Variants in TBC1D1 observed in about 807,000 individuals in gnomAD.
The protein encoded by TBC1D1 is TBC1 domain family member 1.
TBC1D1 carries 89 observed loss-of-function variants against 125.6 expected under a neutral mutation model. The observed-to-expected ratio is 0.71, with a 90% CI of 0.60 to 0.85. TBC1D1 has a LOEUF of 0.85. Ranked by LOEUF, TBC1D1 falls within the 40% of genes least tolerant of loss-of-function variation. The pLI is 0.00. For missense variants in TBC1D1, 1,377 were observed against 1,469.2 expected, an observed-to-expected ratio of 0.94 and a Z score of 1.03; for synonymous variants, 565 against 564.1, an observed-to-expected ratio of 1.00 and a Z score of -0.02.
At chr4:37,959,414 C>T (rs1729540970) in intron 2 of TBC1D1, among the ~76,000 whole-genome samples, 1 of 152,132 alleles carries the variant, frequency 6.6e-6, no homozygotes, top group African/African-American at 2.4e-5. Flanking sequence ...TCATACAGGT[C>T]TTCACCCTCA....
intron 13 of TBC1D1, among the ~76,000 whole-genome samples, chr4:38,095,527 G>A (rs1048429422): frequency 6.6e-6 from 1 of 152,204 alleles, no homozygotes; most frequent in Non-Finnish European, 1.5e-5. Context: ...GATCTTTGGA[G>A]TGCCTCTCCT....
chr4:38,011,203 A>G (rs975597447), intron 2 of TBC1D1, among the ~76,000 whole-genome samples: 1 of 151,960 alleles, frequency 6.6e-6, no homozygotes, highest in African/African-American at 2.4e-5. Context: ...AAAATACAAA[A>G]TTAGCCGGGT....
chr4:37,901,892 CTTA>C (rs1490974807), intron 1 of TBC1D1, 108 bp from the exon 2 acceptor site: 1 of 513,406 alleles, frequency 1.9e-6, no homozygotes, highest in Non-Finnish European at 3.4e-6. Context: ...ATTTGAACCT[CTTA>C]TTATATTTGG....
rs751920556 is a variant in TBC1D1, at chr4:38,021,565, ACTTCT to A, written c.1078-12_1078-8del. On this transcript the variant is annotated splice_polypyrimidine_tract_variant and intron_variant, in intron 5 of 19. Transcript: ENST00000261439. ...TCAAATTGACTTTTTGGTGACTACA[ACTTCT>A]CTTCTCTTTGATTAGGTTGATGAAA... 9.4e-6 allele frequency: 14 copies of A among 1,493,482 alleles called. No individual in the cohort carries two copies. The highest frequency in any genetic ancestry group is 4.3e-5 in the African/African-American group (3 of 69,680). 92.5% of individuals were successfully genotyped at this position (1,493,482 alleles called of 1,614,324 possible). A position where few individuals can be genotyped will look rare whatever the true frequency, so the allele number is the denominator to read the frequency against.
chr4:38,035,057 TAG>T (rs1220940564), intron 7 of TBC1D1, among the ~76,000 whole-genome samples: 5 of 152,146 alleles, frequency 3.3e-5, no homozygotes, highest in African/African-American at 1.2e-4. Context: ...TTAAAAGGCA[TAG>T]AGAGAATTTT....
intron 8 of TBC1D1, among the ~76,000 whole-genome samples, chr4:38,038,723 G>A (rs1366331235): frequency 2.0e-5 from 3 of 152,090 alleles, no homozygotes; most frequent in Admixed American, 6.6e-5. Context: ...TGAGGTGGGC[G>A]GATCATGAGG....
At chr4:37,952,232 G>A in intron 2 of TBC1D1, 1 of 596,700 alleles carries the variant, frequency 1.7e-6, no homozygotes. Context: ...TCTTCGCTGA[G>A]TCTGTGCGGA....
Position 38,014,770 on chromosome 4 carries a change from C to A in TBC1D1, c.679C>A (p.Pro227Thr). The A allele has an allele frequency of 6.2e-7, 1 of 1,608,472 alleles. No homozygotes were observed. ...TGCCGCGCCCACAGGGAGCCAGGAG[C>A]CTGTGCGCAGGCCCATGCGCAAGTC... Residue 227 changes from proline (P) to threonine (T), a missense_variant, in exon 3 of 20, where the codon CCT (proline) becomes ACT (threonine). Around this residue, in one of 3 missense-constraint regions of TBC1D1, gnomAD observed 822 missense variants for 824.6 expected, o/e 1.00. Coordinates refer to ENST00000261439, the MANE Select transcript of TBC1D1 (RefSeq NM_015173.4). This position sits in a 1 kb window ranked among gnomAD's most constrained non-coding sequence, Gnocchi z 5.1.
chr4:38,121,141 T>C (rs1763778839), intron 17 of TBC1D1, among the ~76,000 whole-genome samples: 1 of 152,354 alleles, frequency 6.6e-6, no homozygotes, highest in South Asian at 2.1e-4. Context: ...GCTGTTGTTC[T>C]GCACAGCACT....
At chr4:37,994,836 T>A (rs1414741791) in intron 2 of TBC1D1, among the ~76,000 whole-genome samples, 2 of 152,350 alleles carry the variant, frequency 1.3e-5, no homozygotes, top group East Asian at 3.9e-4. Context: ...CAGGCCATTC[T>A]GCTGGCTTAT....
chr4:38,080,852 C>T (rs918524808), intron 12 of TBC1D1, among the ~76,000 whole-genome samples: 3 of 151,946 alleles, frequency 2.0e-5, no homozygotes, highest in Non-Finnish European at 2.9e-5. Flanking sequence ...CACTGTTCTG[C>T]GATGAATTGA....
In TBC1D1 at chr4:38,023,995, T is replaced by G. The variant is rs76751026; in HGVS notation, c.1210+2277T>G. Among the ~76,000 whole-genome samples, 1,360 of 152,298 alleles carry G rather than the reference T, an allele frequency of 8.9e-3. 21 individuals are homozygous for G. Among genetic ancestry groups the G allele is most frequent in the African/African-American group, 0.031 (1,293 of 41,564 alleles). ...AAGATTTGCTACTTTCTGTTTTTGTTTTGTTTTGTTTTTGATGAAAGCCAT... is the reference window on the plus strand; with the variant it reads ...AAGATTTGCTACTTTCTGTTTTTGTGTTGTTTTGTTTTTGATGAAAGCCAT... On this transcript the variant is annotated intron_variant, in intron 6 of 19. Coordinates refer to ENST00000261439, the MANE Select transcript of TBC1D1 (RefSeq NM_015173.4).
At chr4:37,974,147 G>A (rs1299882250) in intron 2 of TBC1D1, among the ~76,000 whole-genome samples, 1 of 152,224 alleles carries the variant, frequency 6.6e-6, no homozygotes, top group Admixed American at 6.5e-5. Context: ...TCATTAAGCA[G>A]GGAATATCAC....
chr4:37,999,610 G>C (rs933556894), intron 2 of TBC1D1, among the ~76,000 whole-genome samples: 11 of 152,112 alleles, frequency 7.2e-5, no homozygotes, highest in African/African-American at 2.2e-4. Context: ...CAGGCCTGTG[G>C]GGGGAGGGAG....
chr4:37,960,595 C>T (rs559317651), intron 2 of TBC1D1: 3 of 1,614,184 alleles, frequency 1.9e-6, no homozygotes, highest in South Asian at 2.2e-5. Context: ...GATGCTCCAT[C>T]AGCCTTACCT....
intron 17 of TBC1D1, among the ~76,000 whole-genome samples, chr4:38,119,277 A>G (rs1295154786): frequency 6.6e-6 from 1 of 152,080 alleles, no homozygotes; most frequent in African/African-American, 2.4e-5. Context: ...GCTTTTTAAT[A>G]TAAGTGAGCA....
intron 12 of TBC1D1, among the ~76,000 whole-genome samples, chr4:38,071,248 AC>A (rs1754650258): frequency 6.6e-6 from 1 of 151,714 alleles, no homozygotes; most frequent in African/African-American, 2.4e-5. Context: ...CCTGCTCCCC[AC>A]CCACCCCTGG....
chr4:38,098,625 G>A (rs1759780422), intron 14 of TBC1D1, among the ~76,000 whole-genome samples: 1 of 152,206 alleles, frequency 6.6e-6, no homozygotes, highest in African/African-American at 2.4e-5. Flanking sequence ...TAACCATAAA[G>A]GGGGCTTTGT....
chr4:37,983,115 C>G (rs1046297747), intron 2 of TBC1D1, among the ~76,000 whole-genome samples: 2 of 142,710 alleles, frequency 1.4e-5, no homozygotes, highest in African/African-American at 5.3e-5. Flanking sequence ...GATCTTTCCC[C>G]AAACTCTTTT....
Sources: gnomAD v4.1 joint callset for allele counts (sites outside exome capture counted in the v4.1 genomes callset) on GRCh38, gnomAD v4.1.1 for gene constraint, gnomAD v4.1.1 regional missense constraint, Gnocchi (gnomAD v3.1) non-coding constraint, MANE v1.5 for transcripts, NCBI Gene and HGNC (gene_info 2026-07-23, HGNC 2026-07-21) for gene names.